Variants in ANK2 observed in about 807,000 individuals in gnomAD.
ANK2 encodes the protein ankyrin 2.
In ANK2, 83 loss-of-function variants were observed where a neutral mutation model predicts 360.5. The observed-to-expected ratio is 0.23, with a 90% CI of 0.19 to 0.28. ANK2 has a LOEUF of 0.28. Ranked by LOEUF, ANK2 falls within the 10% of genes least tolerant of loss-of-function variation. The probability of loss-of-function intolerance (pLI) is 1.00; values close to 1 mark genes in which losing one functional copy is unlikely to be tolerated. For synonymous variants in ANK2, 1,740 were observed against 1,759.5 expected, an observed-to-expected ratio of 0.99 and a Z score of 0.28; for missense variants, 4,201 against 4,795.7, an observed-to-expected ratio of 0.88 and a Z score of 3.66.
chr4:112,777,047 A>G, the ANK2 span, among the ~76,000 whole-genome samples: 1 of 152,206 alleles, frequency 6.6e-6, no homozygotes, highest in African/African-American at 2.4e-5. Flanking sequence ...GAGAAAAATA[A>G]AAATAATATG....
intron 1 of ANK2, among the ~76,000 whole-genome samples, chr4:112,840,961 A>C (rs2061968637): frequency 6.6e-6 from 1 of 152,204 alleles, no homozygotes; most frequent in South Asian, 2.1e-4. Flanking sequence ...TATATACTTG[A>C]GTATCCATAT....
At chr4:112,880,890 C>A (rs1372275700) in intron 1 of ANK2, 1 of 152,192 alleles carries the variant, frequency 6.6e-6, no homozygotes, top group Non-Finnish European at 1.5e-5. Flanking sequence ...ATAATAGAGT[C>A]TCTTCCTAGA....
intron 18 of ANK2, among the ~76,000 whole-genome samples, chr4:113,286,156 A>G (rs980763623): frequency 2.0e-5 from 3 of 152,230 alleles, no homozygotes; most frequent in Non-Finnish European, 4.4e-5. Flanking sequence ...CTTCAATAAC[A>G]TTTTTAAACA....
chr4:113,240,466 CAT>C lies in ANK2; in HGVS notation c.694-16_694-15del. 6.3e-7 allele frequency: 1 copy of C among 1,584,756 alleles called. No individual in the cohort carries two copies. Among genetic ancestry groups the C allele is most frequent in the Non-Finnish European group, 8.7e-7 (1 of 1,153,336 alleles). The stretch of plus-strand genomic sequence containing the variant: ...AAAAGTGAAGCGCTATACTGACTGT[CAT>C]ATCTTTGCTTTCATAGAGTGGTTTT... On this transcript the variant is annotated splice_polypyrimidine_tract_variant and intron_variant, in intron 7 of 45. Transcript: ENST00000357077.
chr4:113,202,444 A>G (rs1207998683), intron 4 of ANK2, among the ~76,000 whole-genome samples: 1 of 152,174 alleles, frequency 6.6e-6, no homozygotes, highest in Non-Finnish European at 1.5e-5. Flanking sequence ...TGTACAACAA[A>G]ATGTCTGAAT....
chr4:112,861,869 A>AGAGAGAGAGAGAGAGAGAGAG (rs773734914), intron 1 of ANK2, among the ~76,000 whole-genome samples: 52 of 69,224 alleles, frequency 7.5e-4, no homozygotes, highest in African/African-American at 2.6e-3. Context: ...GAGAGAGAGA[A>AGAGAGAGAGAGAGAGAGAGAG]ACTCTCACAG....
the ANK2 span, among the ~76,000 whole-genome samples, chr4:112,792,043 T>C: frequency 3.3e-3 from 468 of 142,248 alleles, 2 homozygotes; most frequent in Admixed American, 7.0e-3. Context: ...CTTTTTTTTT[T>C]TTTTTTTTTT....
chr4:112,966,405 G>A (rs1013838206), intron 2 of ANK2, among the ~76,000 whole-genome samples: 2 of 151,674 alleles, frequency 1.3e-5, no homozygotes, highest in Admixed American at 6.6e-5. Flanking sequence ...ATTAATCATG[G>A]TAAATACTGT....
intron 1 of ANK2, among the ~76,000 whole-genome samples, chr4:113,108,963 CA>C (rs1162689191): frequency 6.6e-6 from 1 of 152,168 alleles, no homozygotes; most frequent in Admixed American, 6.5e-5. Context: ...TTTATTACAT[CA>C]TTATCAAAAC....
the ANK2 span, among the ~76,000 whole-genome samples, chr4:112,762,717 CCAG>C: frequency 8.5e-5 from 13 of 152,174 alleles, no homozygotes; most frequent in Non-Finnish European, 1.3e-4. Context: ...ACCACGTTGG[CCAG>C]GCTGGTCTGG....
At chr4:113,246,378 C>T (rs2042887893) in intron 9 of ANK2, among the ~76,000 whole-genome samples, 1 of 152,138 alleles carries the variant, frequency 6.6e-6, no homozygotes, top group South Asian at 2.1e-4. Flanking sequence ...CATTTTCCAT[C>T]TTGTTGGCAT....
At chr4:113,163,787 A>AAAAAAAAAAAAAAAAAAAAAG (rs2097651057) in intron 1 of ANK2, among the ~76,000 whole-genome samples, 1 of 100,478 alleles carries the variant, frequency 1.0e-5, no homozygotes, top group African/African-American at 3.4e-5. Flanking sequence ...AAAAAAAAAA[A>AAAAAAAAAAAAAAAAAAAAAG]AAAAAGAAAA....
chr4:112,873,006 C>T (rs900550134), intron 1 of ANK2, among the ~76,000 whole-genome samples: 1 of 151,972 alleles, frequency 6.6e-6, no homozygotes, highest in African/African-American at 2.4e-5. Flanking sequence ...TGTTGGAATG[C>T]AGTTGTTCAT....
At chr4:112,835,308 T>G (rs1237725024) in intron 1 of ANK2, among the ~76,000 whole-genome samples, 1 of 152,246 alleles carries the variant, frequency 6.6e-6, no homozygotes, top group African/African-American at 2.4e-5. Context: ...AGTTGGCTTA[T>G]TCTTTTTAAC....
intron 39 of ANK2, among the ~76,000 whole-genome samples, chr4:113,361,482 A>G (rs1349471913): frequency 1.3e-5 from 2 of 151,642 alleles, no homozygotes; most frequent in East Asian, 3.9e-4. Context: ...TTTAAAAACT[A>G]TACATTTTCA....
rs574285511 is a variant in ANK2, at chr4:112,836,492, T to G, written c.-40+18228T>G. On this transcript the variant is annotated intron_variant, in intron 1 of 30. Coordinates refer to the ANK2 transcript ENST00000503271. ...GGGTAACAGGTAGAGTTTGAAAGAG[T>G]TTTGAGGGCTCAGAAGAAGACAGGG... Among the ~76,000 whole-genome samples the G allele has an allele frequency of 3.3e-5, 5 of 151,622 alleles. No individual in the cohort carries two copies. The East Asian group carries it at 9.7e-4, about 29-fold the overall frequency.
chr4:112,785,097 T>C, the ANK2 span, among the ~76,000 whole-genome samples: 11 of 152,222 alleles, frequency 7.2e-5, no homozygotes, highest in Non-Finnish European at 1.5e-4. Context: ...GTGAAACAGC[T>C]GCTTGCTGTA....
At position 113,354,280 on chromosome 4, in the gene ANK2, G is replaced by A. The variant is rs1181214672; in HGVS notation, c.5662G>A (p.Glu1888Lys). 6.2e-7 allele frequency: 1 copy of A among 1,614,052 alleles called. No individual in the cohort carries two copies. The highest frequency in any genetic ancestry group is 2.2e-5 in the East Asian group (1 of 44,876). Reference protein sequence around the residue: ...HSPVSPSTKTERHSPVSSTKT... With the variant: ...HSPVSPSTKTKRHSPVSSTKT... ...ACCTGTATCACCCTCGACAAAAACT[G>A]AAAGGCACTCTCCTGTGTCATCTAC... The change falls in exon 38 of 46, where the codon GAA (glutamate) becomes AAA (lysine). Residue 1888 changes from glutamate (E) to lysine (K), a missense_variant. Around this residue, in one of 4 missense-constraint regions of ANK2, gnomAD observed 2,642 missense variants for 2,714.5 expected, o/e 0.97. Coordinates refer to ENST00000357077, the MANE Select transcript of ANK2 (RefSeq NM_001148.6).
chr4:112,923,044 A>G (rs888201447), intron 2 of ANK2, among the ~76,000 whole-genome samples: 1 of 151,818 alleles, frequency 6.6e-6, no homozygotes, highest in African/African-American at 2.4e-5. Flanking sequence ...ATGTCACAAG[A>G]TATGTACTTC....
Sources: allele counts gnomAD v4.1 joint callset (sites outside exome capture counted in the v4.1 genomes callset), GRCh38; gene constraint gnomAD v4.1.1; regional missense constraint gnomAD v4.1.1; transcripts MANE v1.5; gene names NCBI Gene and HGNC (gene_info 2026-07-23, HGNC 2026-07-21).